PSD3: variants seen among roughly 807,000 people sequenced by gnomAD.
PSD3 encodes the protein PH and SEC7 domain-containing protein 3.
A neutral mutation model predicts 105.5 loss-of-function variants in PSD3; 49 were observed. The ratio of observed to expected loss-of-function variants is 0.46; its 90% CI spans 0.37 to 0.59. The LOEUF (loss-of-function observed/expected upper bound fraction) is 0.59, where lower values mean the gene tolerates loss of function less well. PSD3 is among the 20% of genes least tolerant of loss of function. The pLI is 0.00. For missense variants in PSD3, 1,561 were observed against 1,263.8 expected (o/e 1.24, Z -3.57); for synonymous variants, 557 against 457.8 (o/e 1.22, Z -2.77).
chr8:19,071,856 C>A (rs1015761354), intron 1 of PSD3, among the ~76,000 whole-genome samples: 1 of 151,982 alleles, frequency 6.6e-6, no homozygotes, highest in Non-Finnish European at 1.5e-5. Context: ...ATTACAGGCA[C>A]CTGCCACCAC....
At chr8:18,624,073 A>G (rs867459582) in intron 11 of PSD3, among the ~76,000 whole-genome samples, 1 of 152,180 alleles carries the variant, frequency 6.6e-6, no homozygotes, top group Non-Finnish European at 1.5e-5. Flanking sequence ...AGCTATTATA[A>G]TGTTGCTATA....
intron 1 of PSD3, among the ~76,000 whole-genome samples, chr8:19,033,667 A>G (rs1300137236): frequency 6.6e-6 from 1 of 151,058 alleles, no homozygotes; most frequent in Non-Finnish European, 1.5e-5. Flanking sequence ...GCTTTGCTTG[A>G]AGGTTTTTAG....
intron 1 of PSD3, among the ~76,000 whole-genome samples, chr8:18,966,939 G>A (rs529755409): frequency 3.2e-4 from 48 of 152,258 alleles, no homozygotes; most frequent in Non-Finnish European, 6.2e-4. Context: ...GGGATGGTAG[G>A]TGCACTTTGC....
At chr8:18,832,363 C>A (rs1264547213) in intron 4 of PSD3, among the ~76,000 whole-genome samples, 2 of 151,872 alleles carry the variant, frequency 1.3e-5, no homozygotes, top group East Asian at 3.9e-4. Context: ...CTCCAGTAAA[C>A]AGAAGGCAGG....
At chr8:19,073,930 A>G (rs972243755) in intron 1 of PSD3, among the ~76,000 whole-genome samples, 4 of 151,752 alleles carry the variant, frequency 2.6e-5, no homozygotes, top group African/African-American at 7.3e-5. Flanking sequence ...AGCTGGGACT[A>G]CAGGCGCCTG....
chr8:18,952,484 T>A (rs1226660979), intron 1 of PSD3, among the ~76,000 whole-genome samples: 2 of 152,216 alleles, frequency 1.3e-5, no homozygotes, highest in Non-Finnish European at 2.9e-5. Context: ...GATAGTAAAA[T>A]CTGGTTCAAC....
At chr8:18,938,831 T>C (rs1822331299) in intron 1 of PSD3, among the ~76,000 whole-genome samples, 1 of 152,058 alleles carries the variant, frequency 6.6e-6, no homozygotes, top group East Asian at 1.9e-4. Flanking sequence ...AAATAACTTT[T>C]CCAAAGATAT....
chr8:18,544,318 G>C (rs991271650), intron 15 of PSD3, among the ~76,000 whole-genome samples: 1 of 151,982 alleles, frequency 6.6e-6, no homozygotes, highest in East Asian at 1.9e-4. Flanking sequence ...TTGACCAGGT[G>C]GCCCACCCAC....
intron 11 of PSD3, among the ~76,000 whole-genome samples, chr8:18,627,019 A>ACAGT (rs111275351): frequency 0.043 from 6,494 of 152,210 alleles, 201 homozygotes; most frequent in East Asian, 0.088. Context: ...TGCCCAAGAA[A>ACAGT]CAGTAACTGC....
At chr8:18,987,768 G>A (rs1413966295) in intron 1 of PSD3, among the ~76,000 whole-genome samples, 1 of 152,012 alleles carries the variant, frequency 6.6e-6, no homozygotes, top group African/African-American at 2.4e-5. Context: ...AGCCGTGACT[G>A]CATCACTGCA....
At chr8:18,601,625 A>G (rs1414926840) in intron 11 of PSD3, among the ~76,000 whole-genome samples, 1 of 152,210 alleles carries the variant, frequency 6.6e-6, no homozygotes, top group Non-Finnish European at 1.5e-5. Context: ...TCCAAGGGAG[A>G]TAATAAATAT....
chr8:18,662,971 G>A (rs905963459), intron 9 of PSD3, among the ~76,000 whole-genome samples: 19 of 152,170 alleles, frequency 1.2e-4, no homozygotes, highest in African/African-American at 4.1e-4. Flanking sequence ...GGAGCAATGG[G>A]ACTCTGACTG....
At chr8:18,821,684 A>AACACACACACACACACACACACAC (rs10527060) in intron 4 of PSD3, among the ~76,000 whole-genome samples, 38 of 131,390 alleles carry the variant, frequency 2.9e-4, no homozygotes, top group East Asian at 2.1e-3. Context: ...TGACCCCCAC[A>AACACACACACACACACACACACAC]ACACACACAC....
chr8:18,695,980 T>C (rs1010495394), intron 9 of PSD3, among the ~76,000 whole-genome samples: 1 of 152,218 alleles, frequency 6.6e-6, no homozygotes, highest in Non-Finnish European at 1.5e-5. Flanking sequence ...GACTCTGTGC[T>C]GAGCTGCCCA....
chr8:18,638,368 A>G (rs940200240), intron 10 of PSD3, among the ~76,000 whole-genome samples: 2 of 151,958 alleles, frequency 1.3e-5, no homozygotes, highest in Non-Finnish European at 1.5e-5. Context: ...ATGCTGACAT[A>G]ATCTTATATA....
intron 1 of PSD3, among the ~76,000 whole-genome samples, chr8:18,994,777 G>C (rs1227018865): frequency 6.6e-6 from 1 of 150,534 alleles, no homozygotes; most frequent in African/African-American, 2.4e-5. Flanking sequence ...TATTTCTATT[G>C]AATAGCACCC....
chr8:19,023,393 C>T (rs1002784314), intron 1 of PSD3, among the ~76,000 whole-genome samples: 1 of 145,012 alleles, frequency 6.9e-6, no homozygotes, highest in African/African-American at 2.5e-5. Flanking sequence ...AATATAGCCA[C>T]TATTTATTTA....
intron 4 of PSD3, among the ~76,000 whole-genome samples, chr8:18,826,304 T>C (rs1216127532): frequency 1.3e-5 from 2 of 152,128 alleles, no homozygotes; most frequent in African/African-American, 4.8e-5. Context: ...CGTGAACCAA[T>C]TCCCTATAAT....
chr8:18,614,097 C>T (rs575094201), intron 11 of PSD3, among the ~76,000 whole-genome samples: 2 of 152,300 alleles, frequency 1.3e-5, no homozygotes, highest in East Asian at 3.9e-4. Context: ...TCTGGTTTGT[C>T]ATCTCTTCTT....
Sources: allele counts gnomAD v4.1 joint callset (sites outside exome capture counted in the v4.1 genomes callset), GRCh38; gene constraint gnomAD v4.1.1; transcripts MANE v1.5; gene names NCBI Gene and HGNC (gene_info 2026-07-23, HGNC 2026-07-21).